Variants in JAK2 observed in about 807,000 individuals in gnomAD.
JAK2 encodes the protein Janus kinase 2, also known as tyrosine-protein kinase JAK2.
In JAK2, 86 loss-of-function variants were observed where a neutral mutation model predicts 139.3. The ratio of observed to expected loss-of-function variants is 0.62; its 90% CI spans 0.52 to 0.74. The LOEUF (loss-of-function observed/expected upper bound fraction) is 0.74. Ranked by LOEUF, JAK2 falls within the 30% of genes least tolerant of loss-of-function variation. The pLI, the probability that JAK2 is intolerant of heterozygous loss-of-function variation, is 0.00. For missense variants in JAK2, 1,421 were observed against 1,360.3 expected, an observed-to-expected ratio of 1.04 and a Z score of -0.70; for synonymous variants, 490 against 437.7, an observed-to-expected ratio of 1.12 and a Z score of -1.49.
intron 4 of JAK2, among the ~76,000 whole-genome samples, chr9:5,033,918 A>G (rs2130197614): frequency 6.6e-6 from 1 of 152,316 alleles, no homozygotes; most frequent in Non-Finnish European, 1.5e-5. Flanking sequence ...AATGGGCTAA[A>G]TGCTCCAATT....
In JAK2 at chr9:5,080,322, C is replaced by G. The variant is rs931143141; in HGVS notation, c.2225C>G (p.Thr742Ser). Residue 742 changes from threonine (T) to serine (S), a missense_variant, in exon 17 of 25, where the codon ACT becomes AGT. Transcript: ENST00000381652. ...LATDKWSFGT[T>S]LWEICSGGDK... ...ACAGACAAATGGAGTTTTGGTACCACTTTGTGGGAAATCTGCAGTGGAGGA... is the reference window on the plus strand; with the variant it reads ...ACAGACAAATGGAGTTTTGGTACCAGTTTGTGGGAAATCTGCAGTGGAGGA... The G allele has an allele frequency of 6.2e-7, 1 of 1,613,814 alleles. No individual in the cohort carries two copies. Among genetic ancestry groups the G allele is most frequent in the Admixed American group, 1.7e-5 (1 of 60,002 alleles).
chr9:5,019,042 T>C (rs1226574612), intron 2 of JAK2, among the ~76,000 whole-genome samples: 1 of 152,210 alleles, frequency 6.6e-6, no homozygotes, highest in Non-Finnish European at 1.5e-5. Flanking sequence ...GGAGAACCTG[T>C]TGGAATTTTG....
At chr9:5,111,590 T>C in intron 22 of JAK2, 1 of 366,186 alleles carries the variant, frequency 2.7e-6, no homozygotes, top group Non-Finnish European at 5.3e-6. Context: ...AGCCGAGCTC[T>C]GGAGTTCCCT....
At chr9:5,055,177 G>T (rs1817678864) in intron 7 of JAK2, among the ~76,000 whole-genome samples, 1 of 151,928 alleles carries the variant, frequency 6.6e-6, no homozygotes, top group African/African-American at 2.4e-5. Flanking sequence ...CACTACTAGT[G>T]ATAACAGAAG....
At chr9:5,048,498 T>A (rs1489622299) in intron 5 of JAK2, among the ~76,000 whole-genome samples, 1 of 152,144 alleles carries the variant, frequency 6.6e-6, no homozygotes, top group Non-Finnish European at 1.5e-5. Context: ...TACCAAGTCA[T>A]TGATCATCTT....
rs12344747 is a variant in JAK2, at chr9:5,115,000, T to C, written c.3060-8004T>C. ...AACCTAGGCAATACCATTCAGGACA[T>C]AGGCATGGGCAAGGACTTCATGACT... On this transcript the variant is annotated intron_variant, in intron 22 of 24. Transcript: ENST00000381652. Among the ~76,000 whole-genome samples, 346 of 152,240 alleles carry C rather than the reference T, an allele frequency of 2.3e-3. 2 individuals carry two copies. The highest frequency in any genetic ancestry group is 7.8e-3 in the African/African-American group (323 of 41,534).
intron 13 of JAK2, 93 bp from the exon 14 acceptor site, chr9:5,073,605 G>C (rs2130554066): frequency 2.2e-6 from 2 of 922,582 alleles, no homozygotes; most frequent in East Asian, 4.8e-5. Flanking sequence ...GAAAGTAGGA[G>C]AAAGTGCATC....
intron 12 of JAK2, among the ~76,000 whole-genome samples, chr9:5,070,885 C>G (rs1395972448): frequency 6.6e-6 from 1 of 152,132 alleles, no homozygotes; most frequent in East Asian, 1.9e-4. Context: ...AGGGCCAGGT[C>G]TCAGACCTGT....
At chr9:5,078,610 T>C (rs1819472051) in intron 16 of JAK2, among the ~76,000 whole-genome samples, 166 bp downstream of exon 16, 1 of 152,216 alleles carries the variant, frequency 6.6e-6, no homozygotes, top group South Asian at 2.1e-4. Context: ...TCTTAGTCTC[T>C]ATTTTTCTTT....
chr9:5,103,280 GA>G (rs932280459), intron 22 of JAK2, among the ~76,000 whole-genome samples: 2 of 82,924 alleles, frequency 2.4e-5, no homozygotes, highest in African/African-American at 5.1e-5. Context: ...CCCGGTCTCT[GA>G]AAAAAAAGAC....
rs1029388246 is a variant in JAK2, at chr9:5,070,064, G to C, written c.1641+12G>C. The C allele has an allele frequency of 6.3e-7, 1 of 1,584,590 alleles. No homozygotes were observed. The highest frequency in any genetic ancestry group is 1.1e-5 in the South Asian group (1 of 87,022). On this transcript the variant is annotated intron_variant, in intron 12 of 24. Transcript: ENST00000381652. ...AAGATTTGATATTTGTAAGTCATTA[G>C]ATACTCATTACTGTCTTTTTTGTCC...
At chr9:4,990,014 G>A (rs1159181260) in intron 2 of JAK2, among the ~76,000 whole-genome samples, 7 of 152,328 alleles carry the variant, frequency 4.6e-5, no homozygotes, top group African/African-American at 1.7e-4. Context: ...GGTCTCATAT[G>A]AATTGGAAAG....
chr9:4,995,422 C>G (rs140620369), intron 2 of JAK2, among the ~76,000 whole-genome samples: 1 of 152,304 alleles, frequency 6.6e-6, no homozygotes, highest in Non-Finnish European at 1.5e-5. Context: ...CTTGTTCCAT[C>G]TGGAATTTAT....
intron 22 of JAK2, chr9:5,091,168 A>G (rs756881943): frequency 7.7e-5 from 22 of 285,128 alleles, no homozygotes; most frequent in Non-Finnish European, 1.2e-4. Context: ...ACTGTCTCCT[A>G]TTTATTGAGG....
rs183303347 is a variant in JAK2 at position 4,995,008 on chromosome 9, A to G, written c.-26+8986A>G. Among the ~76,000 whole-genome samples the G allele has an allele frequency of 2.4e-4, 37 of 152,302 alleles. No homozygotes were observed. The East Asian group carries it at 6.7e-3, about 28-fold the overall frequency. The stretch of plus-strand genomic sequence containing the variant: ...GAGGAGTTGCTGATTCAAAAGTGGT[A>G]TATGTTACTAAGTTCAACAAATATT... On this transcript the variant is annotated intron_variant, in intron 2 of 24. Transcript: ENST00000381652.
chr9:4,997,080 C>T (rs1820615630), intron 2 of JAK2, among the ~76,000 whole-genome samples: 1 of 151,866 alleles, frequency 6.6e-6, no homozygotes, highest in Non-Finnish European at 1.5e-5. Context: ...AGGCGAGTGC[C>T]ACTAGGCCTG....
intron 8 of JAK2, among the ~76,000 whole-genome samples, chr9:5,059,477 G>GACA (rs1818003865): frequency 2.0e-5 from 3 of 151,998 alleles, no homozygotes; most frequent in African/African-American, 7.2e-5. Context: ...TGGACATTTG[G>GACA]GTTGCTTTCA....
At chr9:5,042,114 G>A (rs893731916) in intron 4 of JAK2, among the ~76,000 whole-genome samples, 4 of 149,244 alleles carry the variant, frequency 2.7e-5, no homozygotes, top group South Asian at 4.2e-4. Context: ...CGTAAGACTG[G>A]CCAAAATTTC....
intron 2 of JAK2, among the ~76,000 whole-genome samples, chr9:4,994,493 T>C (rs1587798009): frequency 6.6e-6 from 1 of 152,318 alleles, no homozygotes. Context: ...GGGGCCTAGA[T>C]TGTGAGAATT....
Sources: gnomAD v4.1 joint callset for allele counts (sites outside exome capture counted in the v4.1 genomes callset) on GRCh38, gnomAD v4.1.1 for gene constraint, MANE v1.5 for transcripts, NCBI Gene and HGNC (gene_info 2026-07-23, HGNC 2026-07-21) for gene names.